The following ENTHD1 variants were observed in gnomAD, a reference collection of about 807,000 sequenced individuals.
ENTHD1 encodes the protein ENTH domain containing 1.
A neutral mutation model predicts 39.1 loss-of-function variants in ENTHD1; 23 were observed. That is an observed-to-expected ratio of 0.59 (90% CI 0.42 to 0.83). The LOEUF (loss-of-function observed/expected upper bound fraction) is 0.83. Ranked by LOEUF, ENTHD1 falls within the 40% of genes least tolerant of loss-of-function variation. The probability of loss-of-function intolerance (pLI) is 0.00; values close to 1 mark genes in which losing one functional copy is unlikely to be tolerated. For missense variants in ENTHD1, 624 were observed against 705.4 expected (o/e 0.88, Z 1.31); for synonymous variants, 230 against 258.2 (o/e 0.89, Z 1.05).
chr22:39,870,320 A>G (rs890944477), intron 2 of ENTHD1, among the ~76,000 whole-genome samples: 2 of 152,134 alleles, frequency 1.3e-5, no homozygotes, highest in African/African-American at 4.8e-5. Context: ...ACAGGAGAAC[A>G]GTACTAAGGA....
intron 1 of ENTHD1, among the ~76,000 whole-genome samples, chr22:39,888,804 C>A (rs1240586999): frequency 6.6e-6 from 1 of 152,114 alleles, no homozygotes; most frequent in Non-Finnish European, 1.5e-5. Flanking sequence ...TTCCTGGCCT[C>A]AAGTGATCCT....
chr22:39,853,207 T>C (rs1183326795), intron 3 of ENTHD1, among the ~76,000 whole-genome samples: 1 of 152,282 alleles, frequency 6.6e-6, no homozygotes, highest in East Asian at 1.9e-4. Flanking sequence ...ATAGGCTAAT[T>C]AATATAAACA....
rs565138921 is a variant in ENTHD1 at position 39,743,546 on chromosome 22, T to G, written c.*133A>C. The G allele has an allele frequency of 2.8e-5, 30 of 1,056,542 alleles. No individual in the cohort carries two copies. Among genetic ancestry groups the G allele is most frequent in the Non-Finnish European group, 2.6e-6 (2 of 763,384 alleles). The allele number at this position is 1,056,542 out of a possible 1,614,324, so 65.4% of individuals were successfully genotyped here. A position where few individuals can be genotyped will look rare whatever the true frequency, so the allele number is the denominator to read the frequency against. On this transcript the variant is annotated 3_prime_UTR_variant, in exon 7 of 7. Coordinates refer to ENST00000325157, the MANE Select transcript of ENTHD1 (RefSeq NM_152512.4). ...TGAAAGTATTAGTTTGAAAGATACT[T>G]GCTAATAAACCTGACAAGGAAAAAT...
chr22:39,808,114 G>T (rs1178429808), intron 5 of ENTHD1, among the ~76,000 whole-genome samples: 3 of 152,126 alleles, frequency 2.0e-5, no homozygotes, highest in Non-Finnish European at 4.4e-5. Flanking sequence ...TCATAAGATT[G>T]TTATGAAGAT....
chr22:39,799,767 G>A (rs1041437448), intron 5 of ENTHD1, among the ~76,000 whole-genome samples: 1 of 152,180 alleles, frequency 6.6e-6, no homozygotes, highest in African/African-American at 2.4e-5. Flanking sequence ...GTTTAGGCAA[G>A]CCTCCTGTCC....
chr22:39,780,205 C>G (rs1375214318), intron 5 of ENTHD1, among the ~76,000 whole-genome samples: 1 of 152,006 alleles, frequency 6.6e-6, no homozygotes, highest in Non-Finnish European at 1.5e-5. Context: ...GAAACCTTGT[C>G]TCTGCTAAAA....
chr22:39,807,030 G>A (rs2065647209), intron 5 of ENTHD1, among the ~76,000 whole-genome samples: 2 of 152,184 alleles, frequency 1.3e-5, no homozygotes, highest in South Asian at 2.1e-4. Context: ...ACAGGCCAAT[G>A]TGGGAAGGAG....
intron 3 of ENTHD1, among the ~76,000 whole-genome samples, chr22:39,851,157 C>T (rs1168830910): frequency 1.3e-5 from 2 of 152,108 alleles, no homozygotes; most frequent in African/African-American, 2.4e-5. Flanking sequence ...ATGTCACTGT[C>T]GTCAGGCTTC....
At chr22:39,882,996 T>G (rs923182623) in intron 2 of ENTHD1, among the ~76,000 whole-genome samples, 2 of 123,006 alleles carry the variant, frequency 1.6e-5, no homozygotes, top group Non-Finnish European at 1.6e-5. Context: ...AGAGTAAGAC[T>G]TCATCTCAAA....
chr22:39,807,787 A>C (rs1218509265), intron 5 of ENTHD1, among the ~76,000 whole-genome samples: 3 of 152,190 alleles, frequency 2.0e-5, no homozygotes, highest in African/African-American at 7.2e-5. Flanking sequence ...TTAAAAAGTA[A>C]AATGACTAAG....
intron 3 of ENTHD1, among the ~76,000 whole-genome samples, chr22:39,844,090 A>G (rs1306017637): frequency 6.6e-6 from 1 of 152,096 alleles, no homozygotes; most frequent in Non-Finnish European, 1.5e-5. Context: ...CAATTACTGT[A>G]CATCTTTCTT....
chr22:39,810,924 C>A (rs529373151), intron 5 of ENTHD1, among the ~76,000 whole-genome samples: 1 of 152,300 alleles, frequency 6.6e-6, no homozygotes, highest in South Asian at 2.1e-4. Context: ...TCTGCTATGT[C>A]CTTCAATAGA....
intron 3 of ENTHD1, among the ~76,000 whole-genome samples, chr22:39,855,993 G>A (rs2066082010): frequency 6.6e-6 from 1 of 152,060 alleles, no homozygotes; most frequent in Non-Finnish European, 1.5e-5. Context: ...CCCCCTCGTG[G>A]CCGGGCGCGG....
At chr22:39,820,341 G>A (rs1284718568) in intron 5 of ENTHD1, among the ~76,000 whole-genome samples, 2 of 152,190 alleles carry the variant, frequency 1.3e-5, no homozygotes, top group African/African-American at 4.8e-5. Flanking sequence ...TTTATAAGGT[G>A]ATGAAAGATA....
chr22:39,856,326 C>T (rs533191944), intron 3 of ENTHD1, among the ~76,000 whole-genome samples: 1 of 151,254 alleles, frequency 6.6e-6, no homozygotes, highest in Non-Finnish European at 1.5e-5. Context: ...TATTTTTTCC[C>T]ACCCCAACTC....
chr22:39,879,667 T>C (rs1257070817), intron 2 of ENTHD1, among the ~76,000 whole-genome samples: 1 of 152,094 alleles, frequency 6.6e-6, no homozygotes, highest in Non-Finnish European at 1.5e-5. Context: ...ACTCTCATTA[T>C]TGCTGGTGGG....
At chr22:39,757,847 GA>G (rs2065197020) in intron 6 of ENTHD1, among the ~76,000 whole-genome samples, 1 of 151,016 alleles carries the variant, frequency 6.6e-6, no homozygotes, top group Middle Eastern at 3.5e-3. Context: ...TCATGATAGT[GA>G]GTGAATTCTC....
chr22:39,828,885 C>G (rs2065845708), intron 4 of ENTHD1, among the ~76,000 whole-genome samples: 1 of 152,174 alleles, frequency 6.6e-6, no homozygotes, highest in Non-Finnish European at 1.5e-5. Context: ...AAGCCCTGTT[C>G]TGCTTTTAAA....
intron 6 of ENTHD1, among the ~76,000 whole-genome samples, chr22:39,758,456 G>T (rs1240332145): frequency 6.6e-6 from 1 of 152,028 alleles, no homozygotes; most frequent in East Asian, 1.9e-4. Flanking sequence ...TGGGTGTCTT[G>T]CTCTGTTGCC....
Sources: gnomAD v4.1 joint callset for allele counts (sites outside exome capture counted in the v4.1 genomes callset) on GRCh38, gnomAD v4.1.1 for gene constraint, MANE v1.5 for transcripts, NCBI Gene and HGNC (gene_info 2026-07-23, HGNC 2026-07-21) for gene names.